The following CUBN variants were observed in gnomAD, a reference collection of about 807,000 sequenced individuals.
CUBN encodes the protein cubilin.
CUBN carries 282 observed loss-of-function variants against 405.3 expected under a neutral mutation model. That is an observed-to-expected ratio of 0.70 (90% confidence interval 0.63 to 0.77). The LOEUF (loss-of-function observed/expected upper bound fraction) is 0.77. CUBN is among the 30% of genes least tolerant of loss of function. The pLI is 0.00. For missense variants in CUBN, 4,514 were observed against 4,475.2 expected, an observed-to-expected ratio of 1.01 and a Z score of -0.25; for synonymous variants, 1,684 against 1,617.0, an observed-to-expected ratio of 1.04 and a Z score of -0.99.
intron 28 of CUBN, among the ~76,000 whole-genome samples, chr10:17,004,628 C>T (rs1833968516): frequency 6.6e-6 from 1 of 151,904 alleles, no homozygotes; most frequent in Non-Finnish European, 1.5e-5. Context: ...GATTGACACA[C>T]ATCTACTCCA....
intron 17 of CUBN, among the ~76,000 whole-genome samples, chr10:17,078,582 T>C (rs1039810103): frequency 9.9e-5 from 15 of 152,228 alleles, no homozygotes; most frequent in Non-Finnish European, 5.9e-5. Flanking sequence ...GCTTACTTAT[T>C]TAATATCTAT....
Position 16,939,194 on chromosome 10 carries a change from C to T in CUBN, c.5549-47G>A, listed in dbSNP as rs371650360. The T allele has an allele frequency of 1.3e-3, 1,959 of 1,463,728 alleles. 1 individual carries two copies. The highest frequency in any genetic ancestry group is 1.8e-3 in the Admixed American group (105 of 59,784). The allele number at this position is 1,463,728 out of a possible 1,614,324, so 90.7% of individuals were successfully genotyped here. A position where few individuals can be genotyped will look rare whatever the true frequency, so the allele number is the denominator to read the frequency against. The stretch of plus-strand genomic sequence containing the variant: ...TAAATCAGACCCACTTAGAATTGCT[C>T]TTTAATCAAATGAAAAAAACAAAAG... On this transcript the variant is annotated intron_variant, in intron 37 of 66. Coordinates refer to ENST00000377833, the MANE Select transcript of CUBN (RefSeq NM_001081.4).
At chr10:17,049,862 C>T (rs1387062676) in intron 22 of CUBN, among the ~76,000 whole-genome samples, 1 of 152,112 alleles carries the variant, frequency 6.6e-6, no homozygotes, top group Non-Finnish European at 1.5e-5. Flanking sequence ...AATTTGAACC[C>T]CAAACATATT....
chr10:17,085,781 T>C (rs554890083), intron 15 of CUBN, 22 bp from the exon 16 acceptor site: 11 of 1,611,964 alleles, frequency 6.8e-6, no homozygotes, highest in African/African-American at 2.7e-5. Context: ...GGATGAATCA[T>C]TAAGCTCAAA....
chr10:17,035,711 T>C (rs1311878706), intron 27 of CUBN, among the ~76,000 whole-genome samples: 1 of 152,148 alleles, frequency 6.6e-6, no homozygotes, highest in Non-Finnish European at 1.5e-5. Flanking sequence ...GGAGGCCATT[T>C]TCCTCAGCAA....
rs147848629 is a variant in CUBN at position 16,937,658 on chromosome 10, T to C, written c.5860A>G (p.Lys1954Glu). The change falls in exon 39 of 67, where the codon AAG becomes GAG. Residue 1954 changes from lysine (K) to glutamate (E), a missense_variant. Lys to Glu is a moderately conservative substitution (Grantham distance 56). Transcript: ENST00000377833. ...HFYSDSSISG[K>E]GFLLEWFAVD... is the part of the protein sequence containing the mutation. ...GCAAACCACTCCAGAAGGAATCCCTTCCCTGAGATTGAAGAGTCGGAGTAA... is the reference window on the plus strand; with the variant it reads ...GCAAACCACTCCAGAAGGAATCCCTCCCCTGAGATTGAAGAGTCGGAGTAA... The C allele has an allele frequency of 5.0e-6, 8 of 1,613,846 alleles. No individual in the cohort carries two copies. The African/African-American group carries it at 9.4e-5, about 19-fold the overall frequency.
intron 29 of CUBN, among the ~76,000 whole-genome samples, chr10:16,985,213 C>T (rs541311956): frequency 6.6e-6 from 1 of 152,344 alleles, no homozygotes; most frequent in African/African-American, 2.4e-5. Flanking sequence ...CCATATAAAC[C>T]TCCAACTCCA....
At chr10:17,081,030 T>G (rs1008559517) in intron 17 of CUBN, among the ~76,000 whole-genome samples, 1 of 146,736 alleles carries the variant, frequency 6.8e-6, no homozygotes, top group Non-Finnish European at 1.5e-5. Context: ...AGAATTAACA[T>G]GTTAATGTGT....
At chr10:17,072,717 C>A (rs973147214) in intron 17 of CUBN, among the ~76,000 whole-genome samples, 3 of 152,072 alleles carry the variant, frequency 2.0e-5, no homozygotes, top group African/African-American at 7.2e-5. Context: ...AAAGACAAAT[C>A]TCTGGCAAGT....
At chr10:17,020,683 T>A (rs1181916242) in intron 27 of CUBN, among the ~76,000 whole-genome samples, 2 of 152,216 alleles carry the variant, frequency 1.3e-5, no homozygotes, top group Non-Finnish European at 2.9e-5. Flanking sequence ...TATGTGTTTA[T>A]ACATTTGAGC....
chr10:17,040,549 T>C (rs1834996131), intron 27 of CUBN, among the ~76,000 whole-genome samples: 1 of 152,170 alleles, frequency 6.6e-6, no homozygotes, highest in Non-Finnish European at 1.5e-5. Context: ...GAATAAATGT[T>C]ACTAGTGGTC....
intron 27 of CUBN, among the ~76,000 whole-genome samples, chr10:17,030,498 G>A (rs1015275329): frequency 2.6e-5 from 4 of 152,148 alleles, no homozygotes; most frequent in South Asian, 2.1e-4. Context: ...AGGTAGTATT[G>A]TTATCTTCAT....
At chr10:17,042,314 G>C (rs1019070954) in intron 26 of CUBN, among the ~76,000 whole-genome samples, 1 of 152,132 alleles carries the variant, frequency 6.6e-6, no homozygotes, top group Admixed American at 6.6e-5. Flanking sequence ...TAGGCATCAC[G>C]TGCCTCGATG....
At position 16,840,459 on chromosome 10, in the gene CUBN, G is replaced by A. The variant is rs747145299; in HGVS notation, c.9903C>T (p.Val3301=). 8.7e-6 allele frequency: 14 copies of A among 1,613,700 alleles called. No individual in the cohort carries two copies. The highest frequency in any genetic ancestry group is 1.6e-4 in the Middle Eastern group (1 of 6,082). Residue 3301 remains valine, a synonymous_variant, in exon 62 of 67, where the codon GTC becomes GTT. Coordinates refer to ENST00000377833, the MANE Select transcript of CUBN (RefSeq NM_001081.4). ...ISSPNSSDPD[V]PFSICTWVID... ...TGACCCAAGTACAGATGGAAAATGG[G>A]ACATCTGGGTCTGATGAATTGGGTG...
intron 27 of CUBN, among the ~76,000 whole-genome samples, chr10:17,032,320 C>G (rs1057322919): frequency 6.6e-6 from 1 of 152,100 alleles, no homozygotes; most frequent in Non-Finnish European, 1.5e-5. Flanking sequence ...CACGAGAGAA[C>G]CAAAGCAGCC....
At chr10:17,060,098 C>T (rs1835471930) in intron 22 of CUBN, among the ~76,000 whole-genome samples, 2 of 55,556 alleles carry the variant, frequency 3.6e-5, no homozygotes, top group African/African-American at 6.5e-5. Flanking sequence ...ATCCTATTCT[C>T]TTTAACAATC....
chr10:16,983,407 C>T (rs753879612), intron 30 of CUBN, among the ~76,000 whole-genome samples: 4 of 152,092 alleles, frequency 2.6e-5, no homozygotes, highest in Non-Finnish European at 5.9e-5. Context: ...TGTGCTTTGA[C>T]GTTTTCTAGC....
At chr10:17,021,770 A>G (rs1250177563) in intron 27 of CUBN, among the ~76,000 whole-genome samples, 4 of 136,728 alleles carry the variant, frequency 2.9e-5, no homozygotes, top group African/African-American at 1.2e-4. Context: ...TCAGGCATAA[A>G]TTAGTCTGCC....
chr10:16,892,415 C>G (rs927590922), intron 54 of CUBN, among the ~76,000 whole-genome samples: 2 of 152,022 alleles, frequency 1.3e-5, no homozygotes, highest in Admixed American at 6.6e-5. Flanking sequence ...TCCAAGGAAA[C>G]AGTATATGGC....
Sources: gnomAD v4.1 joint callset for allele counts (sites outside exome capture counted in the v4.1 genomes callset) on GRCh38, gnomAD v4.1.1 for gene constraint, MANE v1.5 for transcripts, NCBI Gene and HGNC (gene_info 2026-07-23, HGNC 2026-07-21) for gene names.